Variants in EGFLAM observed in about 807,000 individuals in gnomAD.
EGFLAM encodes the protein pikachurin.
In EGFLAM, 79 loss-of-function variants were observed where a neutral mutation model predicts 113.1. That is an observed-to-expected ratio of 0.70 (90% confidence interval 0.58 to 0.84). The LOEUF (loss-of-function observed/expected upper bound fraction) is 0.84. Ranked by LOEUF, EGFLAM falls within the 40% of genes least tolerant of loss-of-function variation. The probability of loss-of-function intolerance (pLI) is 0.00; values close to 1 mark genes in which losing one functional copy is unlikely to be tolerated. For missense variants in EGFLAM, 1,265 were observed against 1,291.6 expected, an observed-to-expected ratio of 0.98 and a Z score of 0.32; for synonymous variants, 504 against 487.6, an observed-to-expected ratio of 1.03 and a Z score of -0.44.
At chr5:38,278,287 G>C (rs10040175) in intron 1 of EGFLAM, among the ~76,000 whole-genome samples, 1,909 of 152,188 alleles carry the variant, frequency 0.013, 36 homozygotes, top group African/African-American at 0.043. Flanking sequence ...ACACTCATTA[G>C]GGAAAGGATA....
chr5:38,264,993 C>T (rs774677499), intron 1 of EGFLAM, among the ~76,000 whole-genome samples: 3 of 152,320 alleles, frequency 2.0e-5, no homozygotes, highest in East Asian at 3.9e-4. Flanking sequence ...CTCCATCTCT[C>T]TTTGTTAGTC....
At chr5:38,417,366 A>C (rs935805913) in intron 11 of EGFLAM, among the ~76,000 whole-genome samples, 7 of 149,870 alleles carry the variant, frequency 4.7e-5, no homozygotes, top group Non-Finnish European at 7.4e-5. Context: ...AAAAAAAAAA[A>C]AAACAAAAAA....
intron 6 of EGFLAM, among the ~76,000 whole-genome samples, chr5:38,405,417 T>C (rs887150849): frequency 3.3e-5 from 5 of 152,206 alleles, no homozygotes; most frequent in Non-Finnish European, 5.9e-5. Flanking sequence ...TTGTCTTTTA[T>C]ATTAATGTCA....
chr5:38,285,284 G>A (rs1485094897), intron 1 of EGFLAM, among the ~76,000 whole-genome samples: 1 of 152,178 alleles, frequency 6.6e-6, no homozygotes, highest in Non-Finnish European at 1.5e-5. Flanking sequence ...TTGTTTTTCA[G>A]AATGACCTTT....
chr5:38,427,447 A>G (rs1222011389), intron 14 of EGFLAM, 195 bp downstream of exon 14: 1 of 811,902 alleles, frequency 1.2e-6, no homozygotes, highest in East Asian at 2.9e-5. Flanking sequence ...TCCTGCCCAC[A>G]AGGCTTCCTT....
At position 38,409,103 on chromosome 5, in the gene EGFLAM, A is replaced by G. The variant is rs1185089792; in HGVS notation, c.1348A>G (p.Arg450Gly). 7.0e-6 allele frequency: 11 copies of G among 1,565,880 alleles called. No homozygotes were observed. The highest frequency in any genetic ancestry group is 9.5e-6 in the Non-Finnish European group (11 of 1,154,380). The stretch of plus-strand genomic sequence containing the variant: ...TATCATCCGACGCTCCCTGCAGTTC[A>G]GGTAATTCCTGCCAAAAGCCTCACA... Reference protein sequence around the residue: ...LAIIRRSLQFRFNCGTGVAII... With the variant: ...LAIIRRSLQFGFNCGTGVAII... The change falls in exon 10 of 22, where the codon AGG (arginine) becomes GGG (glycine). Residue 450 changes from arginine to glycine, a missense_variant and splice_region_variant. Arg to Gly is a moderately radical substitution (Grantham distance 125). Coordinates refer to ENST00000322350, the MANE Select transcript of EGFLAM (RefSeq NM_152403.4).
intron 15 of EGFLAM, 137 bp from the exon 16 acceptor site, chr5:38,435,000 G>A: frequency 1.5e-6 from 1 of 671,012 alleles, no homozygotes; most frequent in South Asian, 1.8e-5. Flanking sequence ...TGAAGCCCTT[G>A]TGTAGACAGA....
At chr5:38,378,540 C>T (rs1210742639) in intron 6 of EGFLAM, among the ~76,000 whole-genome samples, 2 of 152,212 alleles carry the variant, frequency 1.3e-5, no homozygotes, top group East Asian at 3.8e-4. Context: ...GGGATGGCTA[C>T]AAAGCAATCA....
chr5:38,418,078 A>G lies in EGFLAM; in HGVS notation c.1507A>G (p.Lys503Glu), dbSNP rs1041618032. The G allele has an allele frequency of 1.1e-5, 17 of 1,613,670 alleles. No homozygotes were observed. In the African/African-American group the frequency reaches 1.7e-4, roughly 16 times the overall value. The stretch of plus-strand genomic sequence containing the variant: ...ATCTTTCTTAAAGGGCCAATACAGT[A>G]AAATTACTTTCCGGACACCTCTCTA... ...VTGQSQGQYS[K>E]ITFRTPLYLG... Residue 503 changes from lysine to glutamate, a missense_variant, in exon 12 of 22, where the codon AAA (lysine) becomes GAA (glutamate). By Grantham distance (56) the Lys-to-Glu change is moderately conservative. Transcript: ENST00000322350.
chr5:38,291,770 G>A (rs1758338769), intron 1 of EGFLAM, among the ~76,000 whole-genome samples: 1 of 152,194 alleles, frequency 6.6e-6, no homozygotes, highest in African/African-American at 2.4e-5. Context: ...CTAGAAAAAG[G>A]AAGCAACTCT....
intron 19 of EGFLAM, among the ~76,000 whole-genome samples, chr5:38,456,300 GTC>G (rs1470825049): frequency 6.6e-6 from 1 of 152,172 alleles, no homozygotes; most frequent in African/African-American, 2.4e-5. Flanking sequence ...TAACTAGCGA[GTC>G]TGGGGATCAA....
At chr5:38,348,471 C>T (rs2561115) in intron 3 of EGFLAM, among the ~76,000 whole-genome samples, 4 of 152,018 alleles carry the variant, frequency 2.6e-5, no homozygotes, top group African/African-American at 9.7e-5. Flanking sequence ...TGATTTTCAA[C>T]GGAGCCAAGA....
intron 6 of EGFLAM, among the ~76,000 whole-genome samples, chr5:38,385,072 A>G (rs1268485855): frequency 6.6e-6 from 1 of 152,174 alleles, no homozygotes; most frequent in Non-Finnish European, 1.5e-5. Flanking sequence ...ACAAAATCAA[A>G]GTTAAAAACC....
intron 6 of EGFLAM, among the ~76,000 whole-genome samples, chr5:38,376,869 C>G (rs896660758): frequency 6.6e-6 from 1 of 152,106 alleles, no homozygotes; most frequent in African/African-American, 2.4e-5. Flanking sequence ...CAAGGTTTCA[C>G]CATGTTGCCC....
chr5:38,387,056 A>G (rs1273825713), intron 6 of EGFLAM, among the ~76,000 whole-genome samples: 1 of 152,130 alleles, frequency 6.6e-6, no homozygotes, highest in Non-Finnish European at 1.5e-5. Context: ...AGTTAAGTGG[A>G]ATTTCTCCAA....
intron 3 of EGFLAM, chr5:38,346,593 C>T (rs1463443378): frequency 6.6e-6 from 1 of 152,202 alleles, no homozygotes; most frequent in African/African-American, 2.4e-5. Context: ...TTAATGGTAG[C>T]TGTGTTTGGT....
intron 20 of EGFLAM, among the ~76,000 whole-genome samples, chr5:38,461,507 GTAAT>G (rs1259283387): frequency 6.6e-4 from 101 of 152,172 alleles, no homozygotes; most frequent in African/African-American, 2.1e-3. Flanking sequence ...ATATTTTAGA[GTAAT>G]TAATTTTTTT....
chr5:38,434,014 C>T (rs1261968092), intron 15 of EGFLAM, among the ~76,000 whole-genome samples: 1 of 152,202 alleles, frequency 6.6e-6, no homozygotes, highest in Non-Finnish European at 1.5e-5. Flanking sequence ...CTTCTCTACC[C>T]TTGACATGAC....
At chr5:38,344,008 A>T (rs1257256838) in intron 3 of EGFLAM, among the ~76,000 whole-genome samples, 1 of 152,148 alleles carries the variant, frequency 6.6e-6, no homozygotes, top group African/African-American at 2.4e-5. Context: ...TGCTCATCTG[A>T]ACTAGTGAAT....
Sources: gnomAD v4.1 joint callset for allele counts (sites outside exome capture counted in the v4.1 genomes callset) on GRCh38, gnomAD v4.1.1 for gene constraint, MANE v1.5 for transcripts, NCBI Gene and HGNC (gene_info 2026-07-23, HGNC 2026-07-21) for gene names.